Variants in RAD51B observed in about 807,000 individuals in gnomAD.
The protein encoded by RAD51B is DNA repair protein RAD51 homolog 2.
A neutral mutation model predicts 42.2 loss-of-function variants in RAD51B; 38 were observed. The observed-to-expected ratio is 0.90, with a 90% CI of 0.70 to 1.18. The LOEUF is 1.18. RAD51B is among the 50% of genes most tolerant of loss of function. RAD51B has a pLI of 0.00. For missense variants in RAD51B, 373 were observed against 400.7 expected (o/e 0.93, Z 0.59); for synonymous variants, 154 against 145.2 (o/e 1.06, Z -0.43).
chr14:67,877,518 T>A (rs572515012), intron 5 of RAD51B, among the ~76,000 whole-genome samples: 1 of 152,206 alleles, frequency 6.6e-6, no homozygotes, highest in Non-Finnish European at 1.5e-5. Flanking sequence ...TTATCCCATT[T>A]CCCATTGGGC....
At chr14:67,906,818 T>C (rs1347469413) in intron 7 of RAD51B, among the ~76,000 whole-genome samples, 3 of 151,826 alleles carry the variant, frequency 2.0e-5, no homozygotes, top group Non-Finnish European at 2.9e-5. Flanking sequence ...TTCTTTCTTT[T>C]TTTCTTTTTT....
intron 9 of RAD51B, among the ~76,000 whole-genome samples, chr14:68,411,822 A>G (rs376758500): frequency 2.6e-5 from 4 of 152,300 alleles, no homozygotes; most frequent in East Asian, 3.9e-4. Flanking sequence ...CTATCTCTAA[A>G]TGATCATTTC....
intron 5 of RAD51B, among the ~76,000 whole-genome samples, chr14:67,873,193 G>A (rs1235387992): frequency 1.3e-5 from 2 of 152,106 alleles, no homozygotes; most frequent in African/African-American, 2.4e-5. Context: ...CTACTCGTCT[G>A]ACAAAGGGCT....
intron 10 of RAD51B, chr14:68,545,749 G>A: frequency 2.4e-6 from 1 of 413,908 alleles, no homozygotes; most frequent in South Asian, 1.8e-5. Context: ...GGGATTCACA[G>A]ATGAATAGGA....
At chr14:68,091,013 C>T (rs2077087983) in intron 7 of RAD51B, among the ~76,000 whole-genome samples, 1 of 151,682 alleles carries the variant, frequency 6.6e-6, no homozygotes, top group South Asian at 2.1e-4. Context: ...CATCCATGTC[C>T]CTACAAAGGA....
intron 8 of RAD51B, among the ~76,000 whole-genome samples, chr14:68,323,096 C>T (rs2082186143): frequency 6.6e-6 from 1 of 152,112 alleles, no homozygotes; most frequent in Non-Finnish European, 1.5e-5. Flanking sequence ...AGCTGTTTTT[C>T]CCCCAAGGAG....
intron 4 of RAD51B, among the ~76,000 whole-genome samples, chr14:67,837,475 G>A (rs911544689): frequency 6.6e-6 from 1 of 152,012 alleles, no homozygotes; most frequent in Non-Finnish European, 1.5e-5. Flanking sequence ...GTGTTTTGTT[G>A]TTATCTAATT....
At chr14:68,595,620 T>C in exon 11 of RAD51B, 2 of 1,060,568 alleles carry the variant, frequency 1.9e-6, no homozygotes, top group South Asian at 9.1e-5. Flanking sequence ...GTCTCCCCAA[T>C]GTCTACATTG....
At chr14:68,076,960 C>T (rs570513642) in intron 7 of RAD51B, among the ~76,000 whole-genome samples, 40 of 152,248 alleles carry the variant, frequency 2.6e-4, no homozygotes, top group Middle Eastern at 3.4e-3. Flanking sequence ...GTTTAGCTTC[C>T]AGTTGACAGT....
intron 7 of RAD51B, among the ~76,000 whole-genome samples, chr14:68,193,169 G>A (rs2079301239): frequency 6.6e-6 from 1 of 152,046 alleles, no homozygotes; most frequent in Non-Finnish European, 1.5e-5. Context: ...TTATAGCCTG[G>A]ATAGTGTTGT....
chr14:68,275,810 AC>A (rs1258041105), intron 7 of RAD51B, among the ~76,000 whole-genome samples: 1 of 150,194 alleles, frequency 6.7e-6, no homozygotes, highest in Non-Finnish European at 1.5e-5. Flanking sequence ...ACACACACAC[AC>A]ACACACACAC....
chr14:68,663,051 A>G (rs1595053109), intron 11 of RAD51B, among the ~76,000 whole-genome samples: 1 of 152,236 alleles, frequency 6.6e-6, no homozygotes, highest in East Asian at 1.9e-4. Context: ...CTGTAATCCC[A>G]GCACTGTGGG....
At chr14:68,362,455 AG>A (rs1157678209) in intron 8 of RAD51B, among the ~76,000 whole-genome samples, 1 of 152,220 alleles carries the variant, frequency 6.6e-6, no homozygotes, top group Non-Finnish European at 1.5e-5. Flanking sequence ...GAGGACAGAG[AG>A]GCGAAGTTGG....
chr14:68,658,803 C>A (rs1566965905), intron 11 of RAD51B, among the ~76,000 whole-genome samples: 1 of 152,214 alleles, frequency 6.6e-6, no homozygotes, highest in Non-Finnish European at 1.5e-5. Context: ...ATTGTTACAT[C>A]ATTTCATCCT....
chr14:68,355,838 A>T (rs935711471), intron 8 of RAD51B, among the ~76,000 whole-genome samples: 2 of 152,204 alleles, frequency 1.3e-5, no homozygotes, highest in Non-Finnish European at 2.9e-5. Context: ...GGACAACTCT[A>T]TGTCCATAAA....
chr14:68,394,180 CT>C (rs1445381185), intron 8 of RAD51B, among the ~76,000 whole-genome samples: 2 of 152,224 alleles, frequency 1.3e-5, no homozygotes, highest in Non-Finnish European at 2.9e-5. Flanking sequence ...GTGATTGCAT[CT>C]TTGTCCCCTA....
At chr14:68,296,264 T>C (rs1191757538) in intron 8 of RAD51B, among the ~76,000 whole-genome samples, 1 of 152,252 alleles carries the variant, frequency 6.6e-6, no homozygotes, top group Admixed American at 6.5e-5. Context: ...ACAGAAGAGA[T>C]AGGGACAGAA....
At chr14:68,251,178 G>C (rs548999252) in intron 7 of RAD51B, among the ~76,000 whole-genome samples, 120 of 151,486 alleles carry the variant, frequency 7.9e-4, no homozygotes, top group African/African-American at 2.9e-3. Context: ...ATCTTCTTCT[G>C]TTGCACCTTT....
Position 68,647,803 on chromosome 14 carries a change from C to T in RAD51B, c.1037-2978C>T, listed in dbSNP as rs1458972163. Among the ~76,000 whole-genome samples the T allele has an allele frequency of 6.6e-5, 10 of 151,970 alleles. 1 individual carries two copies. The Middle Eastern group carries it at 0.01, about 155-fold the overall frequency. ...AAGCGATTCTCCTGCCTCAGCCTCCCGAGTAGCCGGAATTACAGGCATGCA... is the reference window on the plus strand; with the variant it reads ...AAGCGATTCTCCTGCCTCAGCCTCCTGAGTAGCCGGAATTACAGGCATGCA... On this transcript the variant is annotated intron_variant, in intron 10 of 11. Coordinates refer to the RAD51B transcript ENST00000488612.
Sources: allele counts gnomAD v4.1 joint callset (sites outside exome capture counted in the v4.1 genomes callset), GRCh38; gene constraint gnomAD v4.1.1; transcripts MANE v1.5; gene names NCBI Gene and HGNC (gene_info 2026-07-23, HGNC 2026-07-21).